GDPD5: variants seen among roughly 807,000 people sequenced by gnomAD.
GDPD5 encodes glycerophosphodiester phosphodiesterase domain containing 5.
A neutral mutation model predicts 75.1 loss-of-function variants in GDPD5; 48 were observed. That is an observed-to-expected ratio of 0.64 (90% CI 0.51 to 0.81). The LOEUF (loss-of-function observed/expected upper bound fraction) is 0.81. Among genes scored for constraint, GDPD5 ranks in the 40% least tolerant of loss-of-function variants. The pLI, the probability that GDPD5 is intolerant of heterozygous loss-of-function variation, is 0.00. For synonymous variants in GDPD5, 336 were observed against 339.0 expected, an observed-to-expected ratio of 0.99 and a Z score of 0.10; for missense variants, 706 against 822.6, an observed-to-expected ratio of 0.86 and a Z score of 1.73.
At chr11:75,464,523 T>G (rs1197351353) in intron 3 of GDPD5, among the ~76,000 whole-genome samples, 1 of 152,194 alleles carries the variant, frequency 6.6e-6, no homozygotes, top group Non-Finnish European at 1.5e-5. Context: ...GTGACCCTCC[T>G]GTCCCAGGTG....
intron 9 of GDPD5, 58 bp from the exon 10 acceptor site, chr11:75,444,553 G>C: frequency 7.7e-7 from 1 of 1,294,324 alleles, no homozygotes; most frequent in Middle Eastern, 1.9e-4. Context: ...ACCCTCCCCA[G>C]CCAATGGAAA....
At chr11:75,493,687 G>T (rs541287921) in intron 1 of GDPD5, among the ~76,000 whole-genome samples, 1 of 152,024 alleles carries the variant, frequency 6.6e-6, no homozygotes. Flanking sequence ...CAGCAGGGGG[G>T]GGCCTAAGTG....
At chr11:75,496,896 T>A (rs1244791817) in intron 1 of GDPD5, among the ~76,000 whole-genome samples, 2 of 141,020 alleles carry the variant, frequency 1.4e-5, no homozygotes, top group African/African-American at 5.3e-5. Flanking sequence ...TCCTCCCGCC[T>A]CAGCCTCCTG....
intron 15 of GDPD5, 130 bp downstream of exon 15, chr11:75,439,749 G>A (rs113071437): frequency 1.2e-4 from 93 of 750,368 alleles, no homozygotes; most frequent in African/African-American, 3.0e-4. Context: ...ACCGGAGTCC[G>A]TCCTTCTTCC....
Position 75,441,681 on chromosome 11 carries a change from G to A in GDPD5, c.1290C>T (p.Asn430=), listed in dbSNP as rs1217094578. ...SLRRGHIQRL[N]LRYTQVSRQE... is the part of the protein sequence containing the mutation. ...GGCGGGACACCTGAGTGTAGCGCAG[G>A]TTCAGCCGCTGGATGTGGCCTCTCC... The change falls in exon 13 of 17, where the codon AAC becomes AAT. Residue 430 remains asparagine (N), a synonymous_variant. Coordinates refer to ENST00000336898, the MANE Select transcript of GDPD5 (RefSeq NM_030792.8). 6.2e-7 allele frequency: 1 copy of A among 1,604,292 alleles called. No individual in the cohort carries two copies. The highest frequency in any genetic ancestry group is 8.5e-7 in the Non-Finnish European group (1 of 1,176,418).
chr11:75,449,139 G>A lies in GDPD5; in HGVS notation c.569-17C>T, dbSNP rs747213075. The A allele has an allele frequency of 1.3e-5, 20 of 1,562,202 alleles. No individual in the cohort carries two copies. The highest frequency in any genetic ancestry group is 5.8e-5 in the Admixed American group (3 of 51,442). ...CCTGGGAGGCTGCAGATAAGGGGCC[G>A]TGAGTGCTGCCTGGTGAGCCCTGGG... On this transcript the variant is annotated splice_polypyrimidine_tract_variant and intron_variant, in intron 8 of 16. Transcript: ENST00000336898.
At chr11:75,439,187 C>CG (rs1948716104) in intron 15 of GDPD5, among the ~76,000 whole-genome samples, 1 of 152,092 alleles carries the variant, frequency 6.6e-6, no homozygotes, top group Non-Finnish European at 1.5e-5. Context: ...AAGAGGATTG[C>CG]GGGGGTAAGG....
chr11:75,449,739 G>C (rs952063967), intron 7 of GDPD5, 129 bp from the exon 8 acceptor site: 1 of 1,246,586 alleles, frequency 8.0e-7, no homozygotes, highest in Non-Finnish European at 1.2e-6. Context: ...GACACTGGGA[G>C]CCTCAGGACC....
At chr11:75,516,330 G>C (rs1016625991) in intron 1 of GDPD5, among the ~76,000 whole-genome samples, 1 of 152,120 alleles carries the variant, frequency 6.6e-6, no homozygotes, top group Non-Finnish European at 1.5e-5. Context: ...CTAGTCCCTC[G>C]GTGCTGCACT....
At chr11:75,457,349 C>T (rs1949306375) in intron 5 of GDPD5, among the ~76,000 whole-genome samples, 1 of 152,208 alleles carries the variant, frequency 6.6e-6, no homozygotes, top group African/African-American at 2.4e-5. Flanking sequence ...CGGGCAAAAG[C>T]AAGAGGACCT....
chr11:75,473,449 G>A (rs149521386), intron 3 of GDPD5, among the ~76,000 whole-genome samples: 137 of 152,126 alleles, frequency 9.0e-4, no homozygotes, highest in Admixed American at 6.9e-3. Context: ...CAGCCAGTCC[G>A]TTGATACCTT....
chr11:75,524,113 G>A (rs1941572815), intron 1 of GDPD5, among the ~76,000 whole-genome samples: 1 of 152,250 alleles, frequency 6.6e-6, no homozygotes, highest in Admixed American at 6.5e-5. Context: ...AGACACCTGG[G>A]ACTGTGCCCC....
intron 1 of GDPD5, among the ~76,000 whole-genome samples, chr11:75,519,173 A>ACTGGTCCTGGGGTCTGCCCAAGCT (rs2135510882): frequency 6.6e-6 from 1 of 152,220 alleles, no homozygotes; most frequent in African/African-American, 2.4e-5. Context: ...TGTGGAGTCC[A>ACTGGTCCTGGGGTCTGCCCAAGCT]CTGGTCCTGG....
At chr11:75,458,698 A>AAATAAATAAAAT (rs376524229) in intron 4 of GDPD5, among the ~76,000 whole-genome samples, 3 of 57,612 alleles carry the variant, frequency 5.2e-5, no homozygotes, top group East Asian at 1.2e-3. Flanking sequence ...ATAAATAAAT[A>AAATAAATAAAAT]AAATAAATAA....
At chr11:75,521,335 G>A (rs768232597) in intron 1 of GDPD5, among the ~76,000 whole-genome samples, 4 of 152,210 alleles carry the variant, frequency 2.6e-5, no homozygotes, top group African/African-American at 4.8e-5. Context: ...GGGTGGAGGT[G>A]AGGAGACAGG....
At chr11:75,501,566 C>T (rs1950305468) in intron 1 of GDPD5, among the ~76,000 whole-genome samples, 1 of 152,188 alleles carries the variant, frequency 6.6e-6, no homozygotes, top group Non-Finnish European at 1.5e-5. Flanking sequence ...TTGGCTGGGC[C>T]AGGGCTCCAG....
chr11:75,501,585 T>C (rs1950306003), intron 1 of GDPD5, among the ~76,000 whole-genome samples: 1 of 152,156 alleles, frequency 6.6e-6, no homozygotes, highest in African/African-American at 2.4e-5. Context: ...AGGCTGGTGC[T>C]CGGGGCTCCA....
chr11:75,475,018 G>T (rs1374285748), intron 3 of GDPD5, among the ~76,000 whole-genome samples: 2 of 152,122 alleles, frequency 1.3e-5, no homozygotes, highest in Non-Finnish European at 2.9e-5. Flanking sequence ...CTGTAAAATG[G>T]GCACACAATT....
chr11:75,524,443 A>G (rs540359785), intron 1 of GDPD5, among the ~76,000 whole-genome samples: 1 of 152,344 alleles, frequency 6.6e-6, no homozygotes, highest in Non-Finnish European at 1.5e-5. Context: ...TTGTGGCTCA[A>G]GGACTCACTG....
Sources: gnomAD v4.1 joint callset for allele counts (sites outside exome capture counted in the v4.1 genomes callset) on GRCh38, gnomAD v4.1.1 for gene constraint, MANE v1.5 for transcripts, NCBI Gene and HGNC (gene_info 2026-07-23, HGNC 2026-07-21) for gene names.